Variants in SLC2A9 observed in about 807,000 individuals in gnomAD.
The protein encoded by SLC2A9 is solute carrier family 2 member 9, also known as solute carrier family 2, facilitated glucose transporter member 9.
A neutral mutation model predicts 50.6 loss-of-function variants in SLC2A9; 39 were observed. That is an observed-to-expected ratio of 0.77 (90% CI 0.60 to 1.01). The LOEUF (loss-of-function observed/expected upper bound fraction) is 1.01. Ranked by LOEUF, SLC2A9 falls within the 50% of genes least tolerant of loss-of-function variation. The probability of loss-of-function intolerance (pLI) is 0.00; values close to 1 mark genes in which losing one functional copy is unlikely to be tolerated. For synonymous variants in SLC2A9, 324 were observed against 276.9 expected (o/e 1.17, Z -1.69); for missense variants, 686 against 677.6 (o/e 1.01, Z -0.14).
intron 10 of SLC2A9, among the ~76,000 whole-genome samples, chr4:9,844,002 C>G (rs900922654): frequency 1.3e-5 from 2 of 152,208 alleles, no homozygotes; most frequent in Middle Eastern, 3.4e-3. Flanking sequence ...GATTTGAATC[C>G]ATGCATTTGA....
chr4:9,902,818 C>G (rs1233374668), intron 8 of SLC2A9, among the ~76,000 whole-genome samples: 1 of 152,204 alleles, frequency 6.6e-6, no homozygotes, highest in African/African-American at 2.4e-5. Flanking sequence ...CTGCAATGAT[C>G]CTATTTCCAA....
At chr4:10,026,792 C>T (rs1053753556) in intron 1 of SLC2A9, among the ~76,000 whole-genome samples, 22 of 152,176 alleles carry the variant, frequency 1.4e-4, no homozygotes, top group African/African-American at 5.1e-4. Context: ...GCCTGTAATC[C>T]CAGCACGTGG....
chr4:9,993,930 C>G (rs117348803), intron 3 of SLC2A9, among the ~76,000 whole-genome samples: 2 of 152,226 alleles, frequency 1.3e-5, no homozygotes, highest in East Asian at 1.9e-4. Context: ...AACAGCCCCA[C>G]TGCTGGAGCA....
chr4:9,923,945 C>T (rs1269715542), intron 6 of SLC2A9: 1 of 152,220 alleles, frequency 6.6e-6, no homozygotes, highest in East Asian at 1.9e-4. Flanking sequence ...AGGAAGCCTT[C>T]TCTGATGCTT....
At chr4:9,943,697 AC>A (rs1748600110) in intron 5 of SLC2A9, among the ~76,000 whole-genome samples, 1 of 151,774 alleles carries the variant, frequency 6.6e-6, no homozygotes, top group African/African-American at 2.4e-5. Context: ...GGAAGAAAAA[AC>A]CCCAACATAC....
rs143442126 is a variant in SLC2A9, at chr4:9,998,626, A to G, written c.250-1685T>C. The stretch of plus-strand genomic sequence containing the variant: ...AAATGGAAGATGCCTGTAGCCTACA[A>G]CTCAGCAAATCTACTTCTAGAAAAC... On this transcript the variant is annotated intron_variant, in intron 2 of 11. Coordinates refer to ENST00000264784, the MANE Select transcript of SLC2A9 (RefSeq NM_020041.3). 1.3e-3 allele frequency among the ~76,000 whole-genome samples: 201 copies of G among 152,234 alleles called. No homozygotes were observed. The Middle Eastern group carries it at 0.017, about 13-fold the overall frequency.
At chr4:9,892,120 C>A (rs145187844) in intron 8 of SLC2A9, among the ~76,000 whole-genome samples, 248 of 152,332 alleles carry the variant, frequency 1.6e-3, no homozygotes, top group African/African-American at 5.6e-3. Flanking sequence ...GCGTTCTCCC[C>A]CAAGCTTAGC....
chr4:9,835,370 C>A (rs937499696), intron 10 of SLC2A9, among the ~76,000 whole-genome samples: 15 of 152,114 alleles, frequency 9.9e-5, no homozygotes, highest in Admixed American at 2.6e-4. Flanking sequence ...ACGCCCTGTG[C>A]CCAGACCAGG....
chr4:9,938,519 C>T (rs1264795790), intron 6 of SLC2A9, among the ~76,000 whole-genome samples: 2 of 152,176 alleles, frequency 1.3e-5, no homozygotes, highest in African/African-American at 4.8e-5. Context: ...GATCTGCCCA[C>T]CTCGGCCTCC....
intron 3 of SLC2A9, among the ~76,000 whole-genome samples, chr4:9,789,761 CAGGT>C (rs1719670402): frequency 6.6e-6 from 1 of 152,208 alleles, no homozygotes; most frequent in African/African-American, 2.4e-5. Flanking sequence ...TTTGATATTG[CAGGT>C]ATGAGACCAA....
At chr4:9,928,437 A>T (rs1180797183) in intron 6 of SLC2A9, among the ~76,000 whole-genome samples, 1 of 152,028 alleles carries the variant, frequency 6.6e-6, no homozygotes, top group Non-Finnish European at 1.5e-5. Context: ...ACCAATAAAA[A>T]CTCTTGGATC....
chr4:10,025,660 T>C (rs1399696181), upstream of SLC2A9: 3 of 515,244 alleles, frequency 5.8e-6, no homozygotes, highest in Non-Finnish European at 1.1e-5. Flanking sequence ...ATGGAGACTT[T>C]TGCCCCAAGC....
rs1305548792 is a variant in SLC2A9 at position 9,793,607 on chromosome 4, G to A, written n.386-13542C>T. Reference sequence around the variant, plus strand: ...TGATTGATTTTCTATTGAAAGAAGTGAAAGGAATGTTAATTTACAACTGGC... The same window carrying A: ...TGATTGATTTTCTATTGAAAGAAGTAAAAGGAATGTTAATTTACAACTGGC... On this transcript the variant is annotated intron_variant and non_coding_transcript_variant, in intron 3 of 3. Coordinates refer to the SLC2A9 transcript ENST00000503803. Among the ~76,000 whole-genome samples the A allele has an allele frequency of 2.0e-5, 3 of 152,228 alleles. No homozygotes were observed. The East Asian group carries it at 5.8e-4, about 29-fold the overall frequency.
At chr4:9,962,637 C>G (rs1316548448) in intron 5 of SLC2A9, among the ~76,000 whole-genome samples, 1 of 152,090 alleles carries the variant, frequency 6.6e-6, no homozygotes, top group Non-Finnish European at 1.5e-5. Context: ...TGCAATGGGT[C>G]AATAGGTGCA....
chr4:9,969,893 T>C (rs28610447), intron 5 of SLC2A9, among the ~76,000 whole-genome samples: 73,552 of 152,126 alleles, frequency 0.48, 19,140 homozygotes, highest in African/African-American at 0.67. Flanking sequence ...GAGATCTGGG[T>C]GGAGATGAAG....
At chr4:9,897,375 A>G (rs1227067731) in intron 8 of SLC2A9, among the ~76,000 whole-genome samples, 5 of 152,168 alleles carry the variant, frequency 3.3e-5, no homozygotes, top group Non-Finnish European at 7.3e-5. Flanking sequence ...GCTGAATTGC[A>G]TTCTCTCAAA....
chr4:10,016,832 T>C (rs539475087), intron 2 of SLC2A9, among the ~76,000 whole-genome samples: 2 of 152,114 alleles, frequency 1.3e-5, no homozygotes, highest in East Asian at 1.9e-4. Context: ...CCCCCATGAA[T>C]CTGCCATGGC....
At chr4:9,879,998 C>T (rs1379299808) in intron 10 of SLC2A9, 3 of 985,326 alleles carry the variant, frequency 3.0e-6, no homozygotes, top group African/African-American at 3.5e-5. Context: ...CCTCAGGCGG[C>T]CTCCTGGCCC....
At position 9,927,030 on chromosome 4, in the gene SLC2A9, A is replaced by ATTT. The variant is rs35095818; in HGVS notation, c.815-6461_815-6459dup. On this transcript the variant is annotated intron_variant, in intron 6 of 11. Coordinates refer to ENST00000264784, the MANE Select transcript of SLC2A9 (RefSeq NM_020041.3). ...TGAGGGAATCCATTTCTGTTGTTCGATTTTTTTTTTTTTTTTTTTACAGAG... is the reference window on the plus strand; with the variant it reads ...TGAGGGAATCCATTTCTGTTGTTCGATTTTTTTTTTTTTTTTTTTTTTACAGAG... 8.8e-4 allele frequency among the ~76,000 whole-genome samples: 119 copies of ATTT among 135,818 alleles called. 1 individual carries two copies. The East Asian group carries it at 0.015, about 17-fold the overall frequency. 89.1% of individuals were successfully genotyped at this position (135,818 alleles called of 152,430 possible).
Sources: gnomAD v4.1 joint callset for allele counts (sites outside exome capture counted in the v4.1 genomes callset) on GRCh38, gnomAD v4.1.1 for gene constraint, MANE v1.5 for transcripts, NCBI Gene and HGNC (gene_info 2026-07-23, HGNC 2026-07-21) for gene names.